LGSN: variants seen among roughly 807,000 people sequenced by gnomAD.
LGSN encodes lengsin.
A neutral mutation model predicts 19.5 loss-of-function variants in LGSN; 21 were observed. The ratio of observed to expected loss-of-function variants is 1.07; its 90% CI spans 0.76 to 1.55. The LOEUF (loss-of-function observed/expected upper bound fraction) is 1.55, where lower values mean the gene tolerates loss of function less well. Ranked by LOEUF, LGSN falls within the 40% of genes most tolerant of loss-of-function variation. The pLI is 0.00. For missense variants in LGSN, 673 were observed against 608.5 expected (o/e 1.11, Z -1.12); for synonymous variants, 257 against 215.6 (o/e 1.19, Z -1.68).
chr6:63,329,880 C>T, the LGSN span, among the ~76,000 whole-genome samples: 1 of 152,226 alleles, frequency 6.6e-6, no homozygotes, highest in Non-Finnish European at 1.5e-5. Context: ...TACCTGGTTA[C>T]AGGCTGTCCC....
At chr6:63,491,383 C>G in the LGSN span, among the ~76,000 whole-genome samples, 1 of 152,300 alleles carries the variant, frequency 6.6e-6, no homozygotes, top group South Asian at 2.1e-4. Context: ...CTAGCAATTC[C>G]TGCGTAAGCT....
chr6:63,343,787 G>T, the LGSN span, among the ~76,000 whole-genome samples: 1 of 152,184 alleles, frequency 6.6e-6, no homozygotes, highest in Non-Finnish European at 1.5e-5. Context: ...GATTATCTGG[G>T]TGGGCCTAAT....
At chr6:63,407,745 G>C in the LGSN span, among the ~76,000 whole-genome samples, 2 of 152,168 alleles carry the variant, frequency 1.3e-5, no homozygotes, top group Non-Finnish European at 2.9e-5. Context: ...AATTGTCCCT[G>C]TTTGCAGATG....
At chr6:63,479,834 T>C in the LGSN span, among the ~76,000 whole-genome samples, 1 of 152,212 alleles carries the variant, frequency 6.6e-6, no homozygotes, top group Admixed American at 6.5e-5. Flanking sequence ...TTGGCCATAC[T>C]TACAAAGTCT....
chr6:63,557,012 G>A, the LGSN span, among the ~76,000 whole-genome samples: 3 of 152,172 alleles, frequency 2.0e-5, no homozygotes, highest in African/African-American at 7.2e-5. Context: ...AATCAAGCAT[G>A]AAACAATTAT....
chr6:63,572,998 G>A, the LGSN span, among the ~76,000 whole-genome samples: 2 of 152,136 alleles, frequency 1.3e-5, no homozygotes, highest in Admixed American at 6.5e-5. Context: ...AGCGACGGGG[G>A]CGGCGCGGTC....
At chr6:63,516,930 C>G in the LGSN span, among the ~76,000 whole-genome samples, 3 of 152,068 alleles carry the variant, frequency 2.0e-5, no homozygotes, top group Non-Finnish European at 4.4e-5. Context: ...TCTCTGCCAC[C>G]GTATCATATC....
the LGSN span, among the ~76,000 whole-genome samples, chr6:63,455,714 A>G: frequency 6.6e-6 from 1 of 151,866 alleles, no homozygotes. Flanking sequence ...AGATCGCATC[A>G]TTGCACTCCA....
chr6:63,407,613 C>T, the LGSN span, among the ~76,000 whole-genome samples: 2 of 152,166 alleles, frequency 1.3e-5, no homozygotes, highest in African/African-American at 4.8e-5. Context: ...CCTTTGAAAA[C>T]CGGCACAAGA....
upstream of LGSN, among the ~76,000 whole-genome samples, chr6:63,322,317 G>A (rs557574520): frequency 6.6e-6 from 1 of 152,144 alleles, no homozygotes; most frequent in Non-Finnish European, 1.5e-5. Context: ...TAAGGAAATA[G>A]GGTGAAAACA....
Position 63,280,353 on chromosome 6 carries a change from C to T in LGSN, c.1198G>A (p.Glu400Lys). ...TTATTTTCTATCCGGGTGCCTTTCT[C>T]TCCATGACATTTGATATTAAATATA... ...SCIFNIKCHGEKGTRIENKLG... is the reference protein window; with the variant it reads ...SCIFNIKCHGKKGTRIENKLG... The change falls in exon 4 of 4, where the codon GAG (glutamate) becomes AAG (lysine). Residue 400 changes from glutamate to lysine, a missense_variant. Glu to Lys is a moderately conservative substitution (Grantham distance 56, BLOSUM62 1). Transcript: ENST00000370657. 2 of 1,614,214 alleles carry T rather than the reference C, an allele frequency of 1.2e-6. No homozygotes were observed. Among genetic ancestry groups the T allele is most frequent in the Non-Finnish European group, 8.5e-7 (1 of 1,180,042 alleles).
the LGSN span, among the ~76,000 whole-genome samples, chr6:63,473,472 TAAAAA>T: frequency 5.1e-5 from 3 of 59,368 alleles, no homozygotes; most frequent in African/African-American, 7.5e-5. Flanking sequence ...ACACTCTGTC[TAAAAA>T]AAAAAAAAAA....
chr6:63,337,607 A>C, the LGSN span, among the ~76,000 whole-genome samples: 7 of 151,498 alleles, frequency 4.6e-5, no homozygotes, highest in Non-Finnish European at 1.0e-4. Flanking sequence ...TTTGAGACCA[A>C]CCAGGGTAAC....
At chr6:63,366,047 C>G in the LGSN span, among the ~76,000 whole-genome samples, 8 of 152,186 alleles carry the variant, frequency 5.3e-5, no homozygotes, top group Admixed American at 5.2e-4. Flanking sequence ...GATGCCCTCT[C>G]TCACCACTCC....
the LGSN span, among the ~76,000 whole-genome samples, chr6:63,523,740 T>C: frequency 2.0e-5 from 3 of 152,286 alleles, no homozygotes; most frequent in Admixed American, 2.0e-4. Flanking sequence ...GCGATTTTTT[T>C]AAGCTCATCA....
At chr6:63,326,806 C>A in the LGSN span, among the ~76,000 whole-genome samples, 4,946 of 152,204 alleles carry the variant, frequency 0.032, 266 homozygotes, top group African/African-American at 0.11. Flanking sequence ...AAGTGCCGTG[C>A]GCAGCCCCAG....
the LGSN span, among the ~76,000 whole-genome samples, chr6:63,345,274 A>AGTAAAT: frequency 6.6e-6 from 1 of 151,942 alleles, no homozygotes; most frequent in Admixed American, 6.6e-5. Context: ...TTTCTTTTTT[A>AGTAAAT]TTTCTTCTCT....
chr6:63,537,685 A>G, the LGSN span, among the ~76,000 whole-genome samples: 2 of 152,230 alleles, frequency 1.3e-5, no homozygotes, highest in Non-Finnish European at 2.9e-5. Flanking sequence ...CAATCAGTCA[A>G]GGTTGATTAA....
chr6:63,427,740 G>C, the LGSN span, among the ~76,000 whole-genome samples: 1 of 152,070 alleles, frequency 6.6e-6, no homozygotes, highest in African/African-American at 2.4e-5. Flanking sequence ...ATTATGAACA[G>C]GGACGCTGTC....
Sources: gnomAD v4.1 joint callset for allele counts (sites outside exome capture counted in the v4.1 genomes callset) on GRCh38, gnomAD v4.1.1 for gene constraint, MANE v1.5 for transcripts, NCBI Gene and HGNC (gene_info 2026-07-23, HGNC 2026-07-21) for gene names.